The following EYS variants were observed in gnomAD, a reference collection of about 807,000 sequenced individuals.
The protein encoded by EYS is protein eyes shut homolog.
In EYS, 250 loss-of-function variants were observed where a neutral mutation model predicts 282.1. The ratio of observed to expected loss-of-function variants is 0.89; its 90% CI spans 0.80 to 0.98. EYS has a LOEUF of 0.98. Ranked by LOEUF, EYS falls within the 50% of genes least tolerant of loss-of-function variation. The pLI, the probability that EYS is intolerant of heterozygous loss-of-function variation, is 0.00. For synonymous variants in EYS, 1,355 were observed against 1,282.9 expected (o/e 1.06, Z -1.20); for missense variants, 4,016 against 3,709.0 (o/e 1.08, Z -2.15).
intron 35 of EYS, among the ~76,000 whole-genome samples, chr6:63,922,282 G>T (rs570611883): frequency 6.6e-6 from 1 of 152,340 alleles, no homozygotes; most frequent in Admixed American, 6.5e-5. Context: ...TTCAGGTCTT[G>T]CCTGGTACAG....
chr6:65,115,377 T>C (rs1012950711), intron 12 of EYS, among the ~76,000 whole-genome samples: 9 of 152,078 alleles, frequency 5.9e-5, no homozygotes, highest in Admixed American at 3.9e-4. Context: ...AATAGCAAAC[T>C]GCATTCTTTT....
intron 12 of EYS, among the ~76,000 whole-genome samples, chr6:65,218,872 G>A (rs879501195): frequency 4.6e-5 from 7 of 151,986 alleles, no homozygotes; most frequent in Admixed American, 3.3e-4. Context: ...GAAGAGAAAA[G>A]GGTAGAAAAA....
chr6:65,024,054 C>T (rs1386783636), intron 13 of EYS, among the ~76,000 whole-genome samples: 4 of 152,140 alleles, frequency 2.6e-5, no homozygotes, highest in African/African-American at 9.7e-5. Flanking sequence ...AAACCTCAGT[C>T]TTCTGGGTGG....
intron 5 of EYS, among the ~76,000 whole-genome samples, chr6:65,471,256 A>G (rs1367228293): frequency 6.8e-6 from 1 of 146,746 alleles, no homozygotes; most frequent in South Asian, 2.2e-4. Context: ...AAAAATTGTC[A>G]GATTTGTTAG....
chr6:65,208,448 A>T (rs1385804577), intron 12 of EYS, among the ~76,000 whole-genome samples: 1 of 151,540 alleles, frequency 6.6e-6, no homozygotes, highest in African/African-American at 2.4e-5. Context: ...ATATTACTTC[A>T]GGTCATCTAC....
At chr6:64,400,248 C>T (rs912897666) in intron 28 of EYS, 1 of 151,918 alleles carries the variant, frequency 6.6e-6, no homozygotes, top group African/African-American at 2.4e-5. Flanking sequence ...CAGGTTTTCA[C>T]CTTTGGATAA....
At chr6:64,663,984 G>A (rs1371871358) in intron 22 of EYS, among the ~76,000 whole-genome samples, 13 of 152,240 alleles carry the variant, frequency 8.5e-5, no homozygotes, top group Admixed American at 7.8e-4. Context: ...AGCCCGATCA[G>A]GAGTGGCATT....
At chr6:65,009,032 C>A (rs1771781062) in intron 13 of EYS, among the ~76,000 whole-genome samples, 1 of 152,110 alleles carries the variant, frequency 6.6e-6, no homozygotes, top group Admixed American at 6.5e-5. Flanking sequence ...GAGAGACATT[C>A]TAGCAAAAGC....
chr6:65,320,239 C>A (rs1483597149), intron 11 of EYS, among the ~76,000 whole-genome samples: 1 of 151,404 alleles, frequency 6.6e-6, no homozygotes, highest in Non-Finnish European at 1.5e-5. Flanking sequence ...TGCGAGTCAG[C>A]CAATGAGAGA....
intron 1 of EYS, among the ~76,000 whole-genome samples, chr6:65,644,206 T>C (rs915545187): frequency 1.3e-5 from 2 of 151,934 alleles, no homozygotes; most frequent in African/African-American, 2.4e-5. Flanking sequence ...TTCAGTGAAA[T>C]AGATAGCATA....
At chr6:63,942,631 A>G (rs1179285815) in intron 35 of EYS, among the ~76,000 whole-genome samples, 1 of 152,176 alleles carries the variant, frequency 6.6e-6, no homozygotes, top group Non-Finnish European at 1.5e-5. Context: ...CTTTTAGGAC[A>G]TGGGCCCTTC....
In EYS at chr6:64,406,897, G is replaced by A. The variant is rs1057065750; in HGVS notation, c.5928-18057C>T. On this transcript the variant is annotated intron_variant, in intron 28 of 42. Transcript: ENST00000503581. The stretch of plus-strand genomic sequence containing the variant: ...CAACCATTGTGGAAGACAGTGTGGC[G>A]ATTCCTTAAGGATCTAGAACTAGAA... Among the ~76,000 whole-genome samples, 8 of 152,154 alleles carry A rather than the reference G, an allele frequency of 5.3e-5. No individual in the cohort carries two copies. In the South Asian group the frequency reaches 8.3e-4, roughly 16 times the overall value.
intron 35 of EYS, among the ~76,000 whole-genome samples, chr6:63,901,955 C>T (rs1316089193): frequency 3.3e-5 from 5 of 152,080 alleles, no homozygotes; most frequent in Non-Finnish European, 7.4e-5. Flanking sequence ...TGCAGTGGCA[C>T]AATCTTGGCT....
chr6:64,281,881 T>C (rs1768322625), intron 30 of EYS, among the ~76,000 whole-genome samples: 1 of 152,124 alleles, frequency 6.6e-6, no homozygotes, highest in Non-Finnish European at 1.5e-5. Flanking sequence ...GGAGGGTTTT[T>C]TGCAATAATC....
At chr6:63,847,948 C>T (rs562883739) in intron 36 of EYS, among the ~76,000 whole-genome samples, 1 of 152,268 alleles carries the variant, frequency 6.6e-6, no homozygotes, top group East Asian at 1.9e-4. Flanking sequence ...AGGGTCAAGT[C>T]ATTTGACTCA....
At chr6:64,090,250 C>A (rs1772309453) in intron 31 of EYS, among the ~76,000 whole-genome samples, 2 of 152,120 alleles carry the variant, frequency 1.3e-5, no homozygotes, top group Admixed American at 1.3e-4. Context: ...CCTGAGTGAT[C>A]TCATTTGTTC....
At chr6:64,117,905 C>T (rs1189306420) in intron 31 of EYS, among the ~76,000 whole-genome samples, 1 of 151,834 alleles carries the variant, frequency 6.6e-6, no homozygotes. Flanking sequence ...TTTCTGTATA[C>T]TGATAATGAA....
At chr6:64,341,548 G>A (rs1377055360) in intron 29 of EYS, among the ~76,000 whole-genome samples, 1 of 151,728 alleles carries the variant, frequency 6.6e-6, no homozygotes, top group East Asian at 1.9e-4. Flanking sequence ...ACTAGAGGGA[G>A]GAGGATGAGA....
At chr6:64,188,761 T>C (rs1223460745) in intron 31 of EYS, among the ~76,000 whole-genome samples, 1 of 152,176 alleles carries the variant, frequency 6.6e-6, no homozygotes, top group Admixed American at 6.6e-5. Flanking sequence ...ATGCATGTAA[T>C]ATAGAATAAA....
Sources: allele counts gnomAD v4.1 joint callset (sites outside exome capture counted in the v4.1 genomes callset), GRCh38; gene constraint gnomAD v4.1.1; transcripts MANE v1.5; gene names NCBI Gene and HGNC (gene_info 2026-07-23, HGNC 2026-07-21).